Variants in STAU2 observed in about 807,000 individuals in gnomAD.
The protein encoded by STAU2 is staufen double-stranded RNA binding protein 2, also known as double-stranded RNA-binding protein Staufen homolog 2.
Under a neutral mutation model 65.9 loss-of-function variants are expected in STAU2, and 20 were observed. The ratio of observed to expected loss-of-function variants is 0.30; its 90% CI spans 0.21 to 0.44. The LOEUF (loss-of-function observed/expected upper bound fraction) is 0.44, where lower values mean the gene tolerates loss of function less well. STAU2 is among the 20% of genes least tolerant of loss of function. The pLI is 1.00. For missense variants in STAU2, 558 were observed against 683.9 expected (o/e 0.82, Z 2.05); for synonymous variants, 232 against 233.9 (o/e 0.99, Z 0.07).
intron 4 of STAU2, among the ~76,000 whole-genome samples, chr8:73,704,950 A>G (rs555931889): frequency 1.3e-5 from 2 of 152,294 alleles, no homozygotes; most frequent in Admixed American, 1.3e-4. Context: ...TACAGGCAAA[A>G]GTAAGATCTT....
chr8:73,617,182 C>A, intron 7 of STAU2, 110 bp downstream of exon 7: 1 of 1,317,358 alleles, frequency 7.6e-7, no homozygotes, highest in Non-Finnish European at 1.0e-6. Context: ...GGTCTTCACT[C>A]TAGTATTCTT....
intron 13 of STAU2, among the ~76,000 whole-genome samples, chr8:73,484,710 A>T (rs77598359): frequency 0.093 from 14,151 of 152,138 alleles, 913 homozygotes; most frequent in Middle Eastern, 0.16. Context: ...GCTTTTCCCT[A>T]GAAGAAATGA....
intron 12 of STAU2, among the ~76,000 whole-genome samples, chr8:73,557,471 A>G (rs925054323): frequency 1.3e-5 from 2 of 152,212 alleles, no homozygotes; most frequent in African/African-American, 4.8e-5. Context: ...AGAATCAAAG[A>G]GTAATTTAGG....
chr8:73,524,674 G>A (rs951908135), intron 13 of STAU2, among the ~76,000 whole-genome samples: 3 of 152,032 alleles, frequency 2.0e-5, no homozygotes, highest in African/African-American at 7.2e-5. Flanking sequence ...TCATAAGAAG[G>A]ACCACTTCCA....
intron 6 of STAU2, among the ~76,000 whole-genome samples, chr8:73,633,471 T>C (rs570982331): frequency 6.6e-6 from 1 of 152,236 alleles, no homozygotes; most frequent in South Asian, 2.1e-4. Context: ...AAGGACAAGT[T>C]CAAAGTGAAA....
At chr8:73,703,111 C>T (rs565976578) in intron 4 of STAU2, among the ~76,000 whole-genome samples, 1 of 152,094 alleles carries the variant, frequency 6.6e-6, no homozygotes, top group South Asian at 2.1e-4. Flanking sequence ...GGATCCGTGT[C>T]CCCACCCAAA....
chr8:73,531,309 A>T (rs961540970), intron 13 of STAU2, among the ~76,000 whole-genome samples: 1 of 152,170 alleles, frequency 6.6e-6, no homozygotes, highest in African/African-American at 2.4e-5. Flanking sequence ...GGAATTTGCC[A>T]AAGATATCAC....
At chr8:73,744,993 CA>C (rs1364059210) in intron 1 of STAU2, among the ~76,000 whole-genome samples, 1 of 152,138 alleles carries the variant, frequency 6.6e-6, no homozygotes, top group African/African-American at 2.4e-5. Flanking sequence ...CTTACAAATA[CA>C]AAACACTGGT....
chr8:73,517,855 A>G (rs1479494113), intron 13 of STAU2, among the ~76,000 whole-genome samples: 1 of 152,222 alleles, frequency 6.6e-6, no homozygotes, highest in Non-Finnish European at 1.5e-5. Context: ...GATATATGCA[A>G]TCTCTCAGAA....
chr8:73,704,636 C>CT (rs1238319891), intron 4 of STAU2, among the ~76,000 whole-genome samples: 4 of 152,112 alleles, frequency 2.6e-5, no homozygotes, highest in African/African-American at 7.2e-5. Flanking sequence ...ACGTTGGTAT[C>CT]TATTTCAAAT....
intron 12 of STAU2, among the ~76,000 whole-genome samples, chr8:73,553,794 T>A (rs1473683150): frequency 6.6e-6 from 1 of 151,944 alleles, no homozygotes; most frequent in Non-Finnish European, 1.5e-5. Context: ...TGCTACTTTT[T>A]AAAGTTTTCT....
intron 6 of STAU2, among the ~76,000 whole-genome samples, chr8:73,630,634 G>C (rs1814021013): frequency 6.6e-6 from 1 of 152,172 alleles, no homozygotes; most frequent in Non-Finnish European, 1.5e-5. Flanking sequence ...TTCCCAAAGA[G>C]TGGATGTTGA....
intron 12 of STAU2, among the ~76,000 whole-genome samples, chr8:73,557,934 G>A (rs1807912446): frequency 6.6e-6 from 1 of 152,098 alleles, no homozygotes. Flanking sequence ...CACTGTTCTA[G>A]TACTTTACTT....
chr8:73,533,801 T>C (rs1805996505), intron 13 of STAU2, among the ~76,000 whole-genome samples: 1 of 152,164 alleles, frequency 6.6e-6, no homozygotes, highest in South Asian at 2.1e-4. Context: ...TTTTTCATGC[T>C]GTTTTGAAAA....
chr8:73,540,480 T>C (rs1043755633), intron 13 of STAU2, among the ~76,000 whole-genome samples: 1 of 152,234 alleles, frequency 6.6e-6, no homozygotes, highest in Admixed American at 6.5e-5. Context: ...TTTCTTTTGT[T>C]CAATCCATTG....
chr8:73,598,585 A>T (rs1811384923), intron 10 of STAU2, among the ~76,000 whole-genome samples: 1 of 152,174 alleles, frequency 6.6e-6, no homozygotes, highest in Non-Finnish European at 1.5e-5. Context: ...AGCAAACCTC[A>T]GGAAACACTG....
In STAU2 at chr8:73,746,838, A is replaced by G; in HGVS notation, c.-252T>C. 2 of 1,222,374 alleles carry G rather than the reference A, an allele frequency of 1.6e-6. No individual in the cohort carries two copies. The highest frequency in any genetic ancestry group is 2.0e-6 in the Non-Finnish European group (2 of 980,956). 75.7% of individuals were successfully genotyped at this position (1,222,374 alleles called of 1,614,324 possible). ...CCAACATTGGCAAACACTACAGAGA[A>G]CTGACCCCGCTCGGCCGCCGCCGGC... On this transcript the variant is annotated 5_prime_UTR_variant, in exon 1 of 15. Coordinates refer to ENST00000524300, the MANE Select transcript of STAU2 (RefSeq NM_001164380.2).
intron 4 of STAU2, among the ~76,000 whole-genome samples, chr8:73,701,091 C>T (rs1407749643): frequency 6.6e-6 from 1 of 151,918 alleles, no homozygotes; most frequent in Non-Finnish European, 1.5e-5. Flanking sequence ...GAAACTAGAC[C>T]CCTATCTCTT....
chr8:73,481,098 C>A (rs1820588294), intron 13 of STAU2, among the ~76,000 whole-genome samples: 1 of 152,066 alleles, frequency 6.6e-6, no homozygotes, highest in African/African-American at 2.4e-5. Context: ...AGAAATAGAA[C>A]ATTATCAGTA....
Sources: gnomAD v4.1 joint callset for allele counts (sites outside exome capture counted in the v4.1 genomes callset) on GRCh38, gnomAD v4.1.1 for gene constraint, MANE v1.5 for transcripts, NCBI Gene and HGNC (gene_info 2026-07-23, HGNC 2026-07-21) for gene names.